Variants in CTNNA3 observed in about 807,000 individuals in gnomAD.
CTNNA3 encodes catenin alpha-3.
In CTNNA3, 76 loss-of-function variants were observed where a neutral mutation model predicts 95.7. The observed-to-expected ratio is 0.79, with a 90% CI of 0.66 to 0.96. CTNNA3 has a LOEUF of 0.96. Among genes scored for constraint, CTNNA3 ranks in the 40% least tolerant of loss-of-function variants. The pLI is 0.00. For synonymous variants in CTNNA3, 431 were observed against 374.4 expected, an observed-to-expected ratio of 1.15 and a Z score of -1.74; for missense variants, 1,191 against 1,089.8, an observed-to-expected ratio of 1.09 and a Z score of -1.31.
At chr10:67,562,338 C>T (rs1841548148) in intron 3 of CTNNA3, among the ~76,000 whole-genome samples, 1 of 152,102 alleles carries the variant, frequency 6.6e-6, no homozygotes, top group African/African-American at 2.4e-5. Flanking sequence ...GTTCAACATA[C>T]ACAAATCAAT....
chr10:67,206,578 G>A (rs1482888719), intron 6 of CTNNA3, among the ~76,000 whole-genome samples: 1 of 151,694 alleles, frequency 6.6e-6, no homozygotes, highest in African/African-American at 2.4e-5. Context: ...GAAGAAAAGA[G>A]GGAGGGAGGA....
intron 5 of CTNNA3, among the ~76,000 whole-genome samples, chr10:67,514,341 A>G (rs1280318820): frequency 6.6e-6 from 1 of 152,126 alleles, no homozygotes; most frequent in East Asian, 1.9e-4. Flanking sequence ...GGTTAGATGA[A>G]TTCTAAAGAT....
intron 13 of CTNNA3, among the ~76,000 whole-genome samples, chr10:66,132,908 G>A (rs1191841354): frequency 3.9e-5 from 6 of 152,018 alleles, no homozygotes; most frequent in African/African-American, 1.5e-4. Flanking sequence ...AAGGGTGGAC[G>A]GTGGCAGGAG....
intron 11 of CTNNA3, among the ~76,000 whole-genome samples, chr10:66,386,614 AC>A (rs1055082479): frequency 2.6e-5 from 4 of 152,218 alleles, no homozygotes; most frequent in Non-Finnish European, 4.4e-5. Flanking sequence ...TTCATATGGA[AC>A]CAAAAAAGAG....
At chr10:66,180,062 A>G (rs2085956759) in intron 13 of CTNNA3, among the ~76,000 whole-genome samples, 1 of 152,192 alleles carries the variant, frequency 6.6e-6, no homozygotes, top group South Asian at 2.1e-4. Flanking sequence ...TGCTGACCTA[A>G]TGGCGGCATA....
At chr10:66,992,010 T>C (rs1215717227) in intron 7 of CTNNA3, among the ~76,000 whole-genome samples, 7 of 152,126 alleles carry the variant, frequency 4.6e-5, no homozygotes, top group Non-Finnish European at 5.9e-5. Flanking sequence ...TTTGATCCAG[T>C]CACTCTGCAG....
rs78075639 is a variant in CTNNA3, at chr10:67,087,038, A to T, written c.1047+93279T>A. On this transcript the variant is annotated intron_variant, in intron 7 of 17. Coordinates refer to ENST00000433211, the MANE Select transcript of CTNNA3 (RefSeq NM_013266.4). The stretch of plus-strand genomic sequence containing the variant: ...CCACAGTATGAAGAAACGGATTTGG[A>T]AACACAGCACCAAGATTAGAGAGGC... Among the ~76,000 whole-genome samples, 1,382 of 152,168 alleles carry T rather than the reference A, an allele frequency of 9.1e-3. 56 individuals are homozygous for T. In the East Asian group the frequency reaches 0.12, roughly 13 times the overall value.
rs183086282 is a variant in CTNNA3, at chr10:66,453,195, C to T, written c.1531+67422G>A. On this transcript the variant is annotated intron_variant, in intron 11 of 17. Transcript: ENST00000433211. The stretch of plus-strand genomic sequence containing the variant: ...TCGTGCCACTGTACTGCAGCCTGGG[C>T]GACAGAAGGAGACTCTGTCTCAAAA... Among the ~76,000 whole-genome samples, 54 of 150,070 alleles carry T rather than the reference C, an allele frequency of 3.6e-4. No homozygotes were observed. The East Asian group carries it at 6.3e-3, about 17-fold the overall frequency.
At chr10:67,716,920 T>C (rs1038082231) in intron 1 of CTNNA3, among the ~76,000 whole-genome samples, 2 of 152,170 alleles carry the variant, frequency 1.3e-5, no homozygotes, top group African/African-American at 4.8e-5. Flanking sequence ...ATGGTTGAAC[T>C]AATTTACACT....
chr10:66,550,687 G>A (rs1013813581), intron 10 of CTNNA3, among the ~76,000 whole-genome samples: 3 of 151,904 alleles, frequency 2.0e-5, no homozygotes, highest in Non-Finnish European at 4.4e-5. Context: ...TTATTATTTT[G>A]TTGTTCCTCT....
chr10:67,494,626 G>A (rs1049202332), intron 5 of CTNNA3, among the ~76,000 whole-genome samples: 5 of 152,186 alleles, frequency 3.3e-5, no homozygotes, highest in Admixed American at 1.3e-4. Flanking sequence ...TTTACTATTT[G>A]TGTGTTCTAG....
At chr10:66,105,242 G>C (rs2081842822) in intron 13 of CTNNA3, among the ~76,000 whole-genome samples, 1 of 152,136 alleles carries the variant, frequency 6.6e-6, no homozygotes, top group South Asian at 2.1e-4. Flanking sequence ...AATAGCACAA[G>C]TTCATTACGA....
chr10:66,726,434 C>T (rs982750883), intron 9 of CTNNA3, among the ~76,000 whole-genome samples: 1 of 152,066 alleles, frequency 6.6e-6, no homozygotes, highest in African/African-American at 2.4e-5. Flanking sequence ...AATAGGACTA[C>T]ATTAATAAAG....
chr10:67,515,986 G>A (rs887536318), intron 5 of CTNNA3, among the ~76,000 whole-genome samples: 1 of 151,860 alleles, frequency 6.6e-6, no homozygotes, highest in Non-Finnish European at 1.5e-5. Flanking sequence ...TTTTGACATG[G>A]AGTTTTGCTC....
intron 15 of CTNNA3, among the ~76,000 whole-genome samples, chr10:66,024,033 G>A (rs2079280351): frequency 6.7e-6 from 1 of 148,394 alleles, no homozygotes; most frequent in African/African-American, 2.5e-5. Context: ...GGTTTAGTGT[G>A]AGTCAAAAGT....
At chr10:65,931,695 G>T (rs1284172634) in intron 17 of CTNNA3, among the ~76,000 whole-genome samples, 1 of 152,214 alleles carries the variant, frequency 6.6e-6, no homozygotes, top group Admixed American at 6.5e-5. Flanking sequence ...CCTGAATTTA[G>T]TCTCTCTTCA....
At chr10:67,129,413 T>A (rs1486043018) in intron 7 of CTNNA3, among the ~76,000 whole-genome samples, 1 of 152,184 alleles carries the variant, frequency 6.6e-6, no homozygotes, top group African/African-American at 2.4e-5. Context: ...CTCTAGCCAC[T>A]TGCTTTTAAG....
At chr10:67,074,818 T>TTATG (rs140973701) in intron 7 of CTNNA3, among the ~76,000 whole-genome samples, 20,635 of 151,976 alleles carry the variant, frequency 0.14, 1,853 homozygotes, top group African/African-American at 0.26. Context: ...CATAATTTAT[T>TTATG]TATGTATGTA....
chr10:67,601,314 C>T (rs1843076710), intron 3 of CTNNA3, among the ~76,000 whole-genome samples: 1 of 152,116 alleles, frequency 6.6e-6, no homozygotes, highest in Non-Finnish European at 1.5e-5. Context: ...CAGGATGAAA[C>T]CATTCCACTT....
Sources: gnomAD v4.1 joint callset for allele counts (sites outside exome capture counted in the v4.1 genomes callset) on GRCh38, gnomAD v4.1.1 for gene constraint, MANE v1.5 for transcripts, NCBI Gene and HGNC (gene_info 2026-07-23, HGNC 2026-07-21) for gene names.